QNG1: variants seen among roughly 807,000 people sequenced by gnomAD.
The protein encoded by QNG1 is queuosine 5'-phosphate N-glycosylase/hydrolase.
chr9:83,945,939 T>G, the QNG1 span, among the ~76,000 whole-genome samples: 1 of 152,114 alleles, frequency 6.6e-6, no homozygotes, highest in Non-Finnish European at 1.5e-5. Flanking sequence ...ATAGCATTCC[T>G]TTTGAAAGTT....
At chr9:83,946,986 G>A in the QNG1 span, among the ~76,000 whole-genome samples, 1 of 151,898 alleles carries the variant, frequency 6.6e-6, no homozygotes. Context: ...CAGGGGGTTT[G>A]CTTGAGCCTG....
the QNG1 span, chr9:83,955,389 G>C: frequency 6.2e-7 from 1 of 1,613,596 alleles, no homozygotes; most frequent in South Asian, 1.1e-5. Flanking sequence ...ACCTCAAACA[G>C]AGTCACATCT....
the QNG1 span, chr9:83,956,571 C>A: frequency 1.5e-6 from 2 of 1,347,978 alleles, no homozygotes; most frequent in Non-Finnish European, 2.0e-6. Context: ...CTGCGCCTTG[C>A]GCTACTACGA....
the QNG1 span, among the ~76,000 whole-genome samples, chr9:83,949,926 G>A: frequency 6.6e-6 from 1 of 150,688 alleles, no homozygotes; most frequent in Admixed American, 6.6e-5. Flanking sequence ...TTCCATGGTA[G>A]CAGACTAGTA....
chr9:83,948,461 G>A, the QNG1 span, among the ~76,000 whole-genome samples: 5 of 139,880 alleles, frequency 3.6e-5, no homozygotes, highest in African/African-American at 1.1e-4. Context: ...CAGCCGCCCC[G>A]TCGGGGAGGG....
At chr9:83,943,976 G>A in the QNG1 span, among the ~76,000 whole-genome samples, 2 of 151,816 alleles carry the variant, frequency 1.3e-5, no homozygotes, top group Admixed American at 6.6e-5. Flanking sequence ...AGCCAATATC[G>A]CACCACTGCA....
At chr9:83,948,351 GC>G in the QNG1 span, among the ~76,000 whole-genome samples, 1 of 122,842 alleles carries the variant, frequency 8.1e-6, no homozygotes. Context: ...GAGGGTCTCC[GC>G]CCGGCAGCCG....
chr9:83,953,745 C>G, the QNG1 span: 2 of 1,475,192 alleles, frequency 1.4e-6, no homozygotes, highest in African/African-American at 2.8e-5. Flanking sequence ...GCAACCTCCC[C>G]CTCCCAGGTT....
At chr9:83,947,770 C>T in the QNG1 span, among the ~76,000 whole-genome samples, 7 of 152,248 alleles carry the variant, frequency 4.6e-5, no homozygotes, top group African/African-American at 1.7e-4. Context: ...CCGCCTGGGC[C>T]TCCCGAGGTG....
At chr9:83,950,076 G>A in the QNG1 span, among the ~76,000 whole-genome samples, 1 of 146,610 alleles carries the variant, frequency 6.8e-6, no homozygotes, top group Admixed American at 6.9e-5. Flanking sequence ...TGGAGACGGA[G>A]TCTTGCTCTG....
At chr9:83,943,250 G>A in the QNG1 span, among the ~76,000 whole-genome samples, 1 of 145,036 alleles carries the variant, frequency 6.9e-6, no homozygotes, top group Admixed American at 7.3e-5. Flanking sequence ...CGAGGCAGGA[G>A]AATGGCTTGA....
the QNG1 span, among the ~76,000 whole-genome samples, chr9:83,954,981 T>C: frequency 2.0e-5 from 3 of 147,492 alleles, no homozygotes; most frequent in Non-Finnish European, 3.0e-5. Context: ...CCAGATTACC[T>C]GAGGTCGGGA....
chr9:83,944,965 G>C, the QNG1 span: 2 of 1,604,854 alleles, frequency 1.2e-6, no homozygotes, highest in Non-Finnish European at 1.7e-6. Flanking sequence ...ATTTGGGCTC[G>C]TTTGTAAAAA....
chr9:83,950,358 A>G, the QNG1 span, among the ~76,000 whole-genome samples: 1 of 151,988 alleles, frequency 6.6e-6, no homozygotes, highest in Non-Finnish European at 1.5e-5. Flanking sequence ...ATCTCTATAA[A>G]ACATTTTCTT....
the QNG1 span, among the ~76,000 whole-genome samples, chr9:83,949,027 TCCACTATTGTCG>T: frequency 8.3e-6 from 1 of 119,890 alleles, no homozygotes; most frequent in Non-Finnish European, 1.6e-5. Flanking sequence ...TGACCTTCCC[TCCACTATTGTCG>T]ATGACCCTGC....
chr9:83,939,532 G>A, the QNG1 span: 4 of 1,612,906 alleles, frequency 2.5e-6, no homozygotes, highest in South Asian at 2.2e-5. Context: ...TGCAACGTAT[G>A]CGATGAAACG....
the QNG1 span, among the ~76,000 whole-genome samples, chr9:83,946,117 C>T: frequency 6.6e-6 from 1 of 151,512 alleles, no homozygotes; most frequent in Non-Finnish European, 1.5e-5. Flanking sequence ...CCAGCCTGGC[C>T]CATATGGTAA....
chr9:83,955,485 C>T, the QNG1 span: 67 of 1,614,026 alleles, frequency 4.2e-5, no homozygotes, highest in African/African-American at 7.2e-4. Context: ...AGAAAAGAGC[C>T]TCCAAACTTC....
the QNG1 span, among the ~76,000 whole-genome samples, chr9:83,952,808 A>C: frequency 0.032 from 4,901 of 150,994 alleles, 257 homozygotes; most frequent in African/African-American, 0.11. Context: ...AAAAAAAAAA[A>C]AAAACAAAAA....
Sources: gnomAD v4.1 joint callset for allele counts (sites outside exome capture counted in the v4.1 genomes callset) on GRCh38, gnomAD v4.1.1 for gene constraint, MANE v1.5 for transcripts, NCBI Gene and HGNC (gene_info 2026-07-23, HGNC 2026-07-21) for gene names.